Variants in TSEN54 observed in about 807,000 individuals in gnomAD.
TSEN54 encodes the protein tRNA-splicing endonuclease subunit Sen54.
TSEN54 carries 55 observed loss-of-function variants against 61.9 expected under a neutral mutation model. The ratio of observed to expected loss-of-function variants is 0.89; its 90% CI spans 0.72 to 1.11. TSEN54 has a LOEUF of 1.11. TSEN54 is among the 50% of genes most tolerant of loss of function. The pLI is 0.00. For missense variants in TSEN54, 760 were observed against 687.7 expected, an observed-to-expected ratio of 1.11 and a Z score of -1.18; for synonymous variants, 304 against 288.7, an observed-to-expected ratio of 1.05 and a Z score of -0.54.
intron 4 of TSEN54, 35 bp from the exon 5 acceptor site, chr17:75,517,522 G>A (rs758804317): frequency 1.9e-6 from 3 of 1,569,810 alleles, no homozygotes; most frequent in Non-Finnish European, 2.6e-6. Context: ...ACTGTAGTGA[G>A]GGCTCATAAG....
intron 10 of TSEN54, 149 bp from the exon 11 acceptor site, chr17:75,524,113 C>T: frequency 8.7e-7 from 1 of 1,150,376 alleles, no homozygotes; most frequent in Non-Finnish European, 1.3e-6. Flanking sequence ...CTCTGGGGCG[C>T]TCTTCATCAG....
rs2053396639 is a variant in TSEN54 at position 75,518,535 on chromosome 17, C to T, written c.469-460C>T. 10 of 985,264 alleles carry T rather than the reference C, an allele frequency of 1.0e-5. No individual in the cohort carries two copies. In the South Asian group the frequency reaches 4.2e-4, roughly 42 times the overall value. 61.0% of individuals were successfully genotyped at this position (985,264 alleles called of 1,614,324 possible). Reference sequence around the variant, plus strand: ...GATGGGGGACATTCTTATCTATGTTCCTCTGATATGAATGCAGGGACACAA... The same window carrying T: ...GATGGGGGACATTCTTATCTATGTTTCTCTGATATGAATGCAGGGACACAA... On this transcript the variant is annotated intron_variant, in intron 5 of 10. Transcript: ENST00000333213.
intron 6 of TSEN54, among the ~76,000 whole-genome samples, chr17:75,521,072 G>A (rs187893477): frequency 1.1e-4 from 16 of 152,292 alleles, no homozygotes; most frequent in Admixed American, 8.5e-4. Flanking sequence ...CAGTATGCTA[G>A]TACAATGACA....
At chr17:75,517,408 T>G in intron 4 of TSEN54, 149 bp from the exon 5 acceptor site, 1 of 1,133,982 alleles carries the variant, frequency 8.8e-7, no homozygotes, top group Non-Finnish European at 1.3e-6. Flanking sequence ...CAGTCCACAT[T>G]AGTGATGCTG....
rs1245620942 is a variant in TSEN54, at chr17:75,521,982, A to C, written c.901A>C (p.Ile301Leu). 2 of 1,606,662 alleles carry C rather than the reference A, an allele frequency of 1.2e-6. No homozygotes were observed. The highest frequency in any genetic ancestry group is 1.7e-6 in the Non-Finnish European group (2 of 1,177,510). ...TAAGCGGCGCTGGAACTTCGAGCAG[A>C]TCTCCTTCCCCAACATGGCTTCAGA... ...AGKRRWNFEQISFPNMASDSR... is the reference protein window; with the variant it reads ...AGKRRWNFEQLSFPNMASDSR... Residue 301 changes from isoleucine to leucine, a missense_variant, in exon 8 of 11, where the codon ATC (isoleucine) becomes CTC (leucine). Coordinates refer to ENST00000333213, the MANE Select transcript of TSEN54 (RefSeq NM_207346.3).
chr17:75,517,911 G>T (rs1377073883), intron 5 of TSEN54, among the ~76,000 whole-genome samples: 2 of 152,200 alleles, frequency 1.3e-5, no homozygotes, highest in Non-Finnish European at 2.9e-5. Flanking sequence ...CTAGGGGCTT[G>T]TCGCAGGTTG....
At chr17:75,520,019 A>C (rs892242681) in intron 6 of TSEN54, among the ~76,000 whole-genome samples, 4 of 152,344 alleles carry the variant, frequency 2.6e-5, no homozygotes, top group Middle Eastern at 3.4e-3. Context: ...AGAAGAGCAA[A>C]ATCACTGCCC....
At chr17:75,522,477 TCTC>T (rs2053439407) in intron 8 of TSEN54, 144 bp downstream of exon 8, 1 of 1,502,900 alleles carries the variant, frequency 6.7e-7, no homozygotes. Flanking sequence ...CACGGTCAGT[TCTC>T]CGGCGGCTGC....
intron 8 of TSEN54, chr17:75,522,859 G>A (rs1347616322): frequency 7.6e-6 from 2 of 264,742 alleles, no homozygotes; most frequent in Non-Finnish European, 1.5e-5. Flanking sequence ...AAAATTGCAT[G>A]GGATATGCTT....
In TSEN54 at chr17:75,517,466, G is replaced by C. The variant is rs1433080402; in HGVS notation, c.370-91G>C. 1.6e-5 allele frequency: 20 copies of C among 1,257,792 alleles called. No homozygotes were observed. In the South Asian group the frequency reaches 2.3e-4, roughly 14 times the overall value. 77.9% of individuals were successfully genotyped at this position (1,257,792 alleles called of 1,614,324 possible). A position where few individuals can be genotyped will look rare whatever the true frequency, so the allele number is the denominator to read the frequency against. On this transcript the variant is annotated intron_variant, in intron 4 of 10. Coordinates refer to ENST00000333213, the MANE Select transcript of TSEN54 (RefSeq NM_207346.3). ...ATTCTTGATGCGCTGCTGAGAGGGG[G>C]AGGGGGAGGTATCAGAGCTGGGAAG...
intron 5 of TSEN54, 130 bp downstream of exon 5, chr17:75,517,785 C>G: frequency 3.7e-6 from 3 of 817,512 alleles, no homozygotes; most frequent in Admixed American, 1.9e-5. Context: ...TATGCTGTCA[C>G]GAGGCTTACA....
chr17:75,522,480 C>T (rs1490607462), intron 8 of TSEN54, 147 bp downstream of exon 8: 5 of 1,500,684 alleles, frequency 3.3e-6, no homozygotes, highest in Middle Eastern at 2.4e-4. Context: ...GGTCAGTTCT[C>T]CGGCGGCTGC....
Position 75,522,962 on chromosome 17 carries a change from C to T in TSEN54, c.1253-313C>T, listed in dbSNP as rs534879050. ...TTGGGAGGCCGAGGCGGGCAGATCA[C>T]CTGAGGTCAGGAGTTCGAGACCAAC... is the stretch of plus-strand genomic sequence containing the variant. On this transcript the variant is annotated intron_variant, in intron 8 of 10. Transcript: ENST00000333213. 256 of 392,624 alleles carry T rather than the reference C, an allele frequency of 6.5e-4. 1 individual carries two copies. The highest frequency in any genetic ancestry group is 1.0e-3 in the Non-Finnish European group (208 of 205,926). The allele number at this position is 392,624 out of a possible 1,614,324, so 24.3% of individuals were successfully genotyped here.
chr17:75,523,617 T>C (rs369789793), intron 9 of TSEN54, 46 bp from the exon 10 acceptor site: 17 of 1,614,034 alleles, frequency 1.1e-5, no homozygotes, highest in South Asian at 3.3e-5. Flanking sequence ...AAAAGAAAGG[T>C]TGGGGAGAAG....
chr17:75,517,143 G>C lies in TSEN54; in HGVS notation c.286-18G>C, dbSNP rs757728451. The stretch of plus-strand genomic sequence containing the variant: ...CTGCCCTCCCTCCCTTGTGACACTT[G>C]CTCTGGGCCCCACACAGGGCAAATT... On this transcript the variant is annotated intron_variant, in intron 3 of 10. Transcript: ENST00000333213. 1 of 1,301,822 alleles carries C rather than the reference G, an allele frequency of 7.7e-7. No individual in the cohort carries two copies. The highest frequency in any genetic ancestry group is 1.9e-5 in the Admixed American group (1 of 53,394). 80.6% of individuals were successfully genotyped at this position (1,301,822 alleles called of 1,614,324 possible).
In TSEN54 at chr17:75,521,338, C is replaced by CT. The variant is rs773804359; in HGVS notation, c.522-69dup. 36 of 1,343,552 alleles carry CT rather than the reference C, an allele frequency of 2.7e-5. No individual in the cohort carries two copies. The East Asian group carries it at 7.8e-4, about 29-fold the overall frequency. The allele number at this position is 1,343,552 out of a possible 1,614,324, so 83.2% of individuals were successfully genotyped here. ...ACTGACTGTCCTCTTGGCCCGTTTC[C>CT]TTACACATCCCACCAGATCCCCAGG... On this transcript the variant is annotated intron_variant, in intron 6 of 10. Transcript: ENST00000333213.
In TSEN54 at chr17:75,524,687, G is replaced by A. The variant is rs375855324; in HGVS notation, c.*275G>A. 139 of 549,408 alleles carry A rather than the reference G, an allele frequency of 2.5e-4. 1 individual carries two copies. Among genetic ancestry groups the A allele is most frequent in the African/African-American group, 2.5e-3 (133 of 52,912 alleles). 34.0% of individuals were successfully genotyped at this position (549,408 alleles called of 1,614,324 possible). A position where few individuals can be genotyped will look rare whatever the true frequency, so the allele number is the denominator to read the frequency against. On this transcript the variant is annotated 3_prime_UTR_variant, in exon 11 of 11. Coordinates refer to ENST00000333213, the MANE Select transcript of TSEN54 (RefSeq NM_207346.3). ...GACTGTGTGCCTTTAACGAGAGGGT[G>A]CCTGCTTCGTGCTATAAAGCCAAAG...
In TSEN54 at chr17:75,516,929, G is replaced by A. The variant is rs1453939418; in HGVS notation, c.221+19G>A. The A allele has an allele frequency of 6.5e-7, 1 of 1,544,966 alleles. No homozygotes were observed. Among genetic ancestry groups the A allele is most frequent in the Non-Finnish European group, 8.7e-7 (1 of 1,146,166 alleles). On this transcript the variant is annotated intron_variant, in intron 2 of 10. Transcript: ENST00000333213. The stretch of plus-strand genomic sequence containing the variant: ...AGCGCCTGTGAGAGGGGCGGGCCCA[G>A]GGGTAAGGGAAGCGGGGGCGAGGCG...
chr17:75,524,113 CTCT>C (rs1326165113), intron 10 of TSEN54, 146 bp from the exon 11 acceptor site: 2 of 1,150,256 alleles, frequency 1.7e-6, no homozygotes, highest in African/African-American at 3.0e-5. Flanking sequence ...CTCTGGGGCG[CTCT>C]TCATCAGAGC....
Sources: allele counts gnomAD v4.1 joint callset (sites outside exome capture counted in the v4.1 genomes callset), GRCh38; gene constraint gnomAD v4.1.1; transcripts MANE v1.5; gene names NCBI Gene and HGNC (gene_info 2026-07-23, HGNC 2026-07-21).